Variants in SDSL observed in about 807,000 individuals in gnomAD.
SDSL encodes serine dehydratase-like.
SDSL carries 26 observed loss-of-function variants against 27.6 expected under a neutral mutation model. That is an observed-to-expected ratio of 0.94 (90% CI 0.69 to 1.31). SDSL has a LOEUF of 1.31. Ranked by LOEUF, SDSL falls within the 50% of genes most tolerant of loss-of-function variation. The pLI, the probability that SDSL is intolerant of heterozygous loss-of-function variation, is 0.00. For synonymous variants in SDSL, 196 were observed against 180.6 expected, an observed-to-expected ratio of 1.09 and a Z score of -0.69; for missense variants, 431 against 423.5, an observed-to-expected ratio of 1.02 and a Z score of -0.16.
chr12:113,426,256 C>A, intron 1 of SDSL: 1 of 455,960 alleles, frequency 2.2e-6, no homozygotes, highest in South Asian at 1.5e-5. Flanking sequence ...CCTCTTGGCT[C>A]TCTTCCTGTC....
chr12:113,422,795 G>C (rs1957807071), intron 1 of SDSL: 1 of 152,388 alleles, frequency 6.6e-6, no homozygotes, highest in Non-Finnish European at 1.5e-5. Context: ...TTTGGCTGTG[G>C]AGTGCCACCA....
chr12:113,428,367 C>A, intron 2 of SDSL, 53 bp from the exon 3 acceptor site: 1 of 1,569,092 alleles, frequency 6.4e-7, no homozygotes, highest in Non-Finnish European at 8.7e-7. Context: ...TCCACATAGG[C>A]CTTCATGACA....
chr12:113,426,484 T>G (rs1391276715), intron 1 of SDSL, among the ~76,000 whole-genome samples: 2 of 152,206 alleles, frequency 1.3e-5, no homozygotes, highest in Admixed American at 6.5e-5. Flanking sequence ...AAAAATTATA[T>G]TTTTAGATGT....
chr12:113,425,586 T>C (rs1387449603), intron 1 of SDSL: 2 of 449,408 alleles, frequency 4.5e-6, no homozygotes, highest in Admixed American at 2.4e-5. Flanking sequence ...CAAGAGGAGC[T>C]GGCTGTATTT....
chr12:113,428,102 T>G lies in SDSL; in HGVS notation c.120T>G (p.Asn40Lys). The change falls in exon 2 of 8, where the codon AAT becomes AAG. Residue 40 changes from asparagine (N) to lysine (K), a missense_variant. By Grantham distance (94) the Asn-to-Lys change is moderately conservative. Coordinates refer to ENST00000403593, the MANE Select transcript of SDSL (RefSeq NM_001304993.2). ...AGMPVFLKCE[N>K]VQPSGSFKIR... ...TGCCTGTCTTCCTCAAGTGTGAGAA[T>G]GTGCAGCCCAGCGGCTCCTTCAAGA... 6.2e-7 allele frequency: 1 copy of G among 1,613,808 alleles called. No individual in the cohort carries two copies. Among genetic ancestry groups the G allele is most frequent in the Non-Finnish European group, 8.5e-7 (1 of 1,179,918 alleles).
chr12:113,435,553 C>A lies in SDSL; in HGVS notation c.668C>A (p.Thr223Asn). The A allele has an allele frequency of 6.2e-7, 1 of 1,612,194 alleles. No individual in the cohort carries two copies. Among genetic ancestry groups the A allele is most frequent in the Non-Finnish European group, 8.5e-7 (1 of 1,178,818 alleles). The stretch of plus-strand genomic sequence containing the variant: ...AAGCTGGTCACACTTCCAGACATCA[C>A]CAGGTGGGTAAGGGCTGGGGACATT... The part of the protein sequence containing the change: ...AGKLVTLPDI[T>N]SVAKSLGAKT... Residue 223 changes from threonine (T) to asparagine (N), a missense_variant, in exon 6 of 8, where the codon ACC becomes AAC. Thr to Asn is a moderately conservative substitution (Grantham distance 65, BLOSUM62 0). Transcript: ENST00000403593.
chr12:113,433,999 C>T, intron 4 of SDSL, 135 bp from the exon 5 acceptor site: 1 of 613,346 alleles, frequency 1.6e-6, no homozygotes, highest in Non-Finnish European at 2.8e-6. Flanking sequence ...GGGCCCACAC[C>T]AGGTATGGTC....
intron 1 of SDSL, among the ~76,000 whole-genome samples, chr12:113,425,400 C>T (rs1484340697): frequency 6.6e-6 from 1 of 152,060 alleles, no homozygotes; most frequent in Non-Finnish European, 1.5e-5. Flanking sequence ...CTGACAAGGG[C>T]GTGGGGTCAA....
intron 5 of SDSL, among the ~76,000 whole-genome samples, chr12:113,434,986 G>A (rs182258376): frequency 4.6e-5 from 7 of 152,240 alleles, no homozygotes; most frequent in East Asian, 1.9e-4. Context: ...GTGGTGGTGC[G>A]CACCTTTAGT....
At chr12:113,424,090 C>T (rs1234113357) in intron 1 of SDSL, among the ~76,000 whole-genome samples, 1 of 152,130 alleles carries the variant, frequency 6.6e-6, no homozygotes, top group Non-Finnish European at 1.5e-5. Flanking sequence ...TCACTGCAAC[C>T]TCGCCTCACC....
chr12:113,433,231 T>C (rs978648442), intron 4 of SDSL, among the ~76,000 whole-genome samples: 40 of 152,176 alleles, frequency 2.6e-4, no homozygotes, highest in African/African-American at 9.4e-4. Flanking sequence ...TTGGCTTCTC[T>C]CCTGCTGAAG....
intron 4 of SDSL, 141 bp downstream of exon 4, chr12:113,429,440 G>T (rs533577797): frequency 2.1e-6 from 2 of 954,376 alleles, no homozygotes; most frequent in Non-Finnish European, 3.1e-6. Context: ...CTGAGCTGAG[G>T]GGGGAATGAG....
intron 4 of SDSL, 45 bp downstream of exon 4, chr12:113,429,344 C>T (rs765330449): frequency 6.4e-7 from 1 of 1,573,412 alleles, no homozygotes; most frequent in South Asian, 1.1e-5. Context: ...GGGCTGCTCT[C>T]CTTCACCTCA....
At chr12:113,423,144 G>A (rs1957811017) in intron 1 of SDSL, among the ~76,000 whole-genome samples, 1 of 152,218 alleles carries the variant, frequency 6.6e-6, no homozygotes, top group African/African-American at 2.4e-5. Context: ...ACTGATGCCT[G>A]CTGTCCTCTT....
intron 7 of SDSL, 127 bp downstream of exon 7, chr12:113,437,002 C>A: frequency 1.1e-6 from 1 of 929,294 alleles, no homozygotes; most frequent in Non-Finnish European, 1.5e-6. Context: ...AGTTACTGTG[C>A]ACTAAGTGCA....
intron 5 of SDSL, among the ~76,000 whole-genome samples, chr12:113,434,983 T>C (rs1362762214): frequency 1.3e-5 from 2 of 152,092 alleles, no homozygotes; most frequent in Non-Finnish European, 2.9e-5. Flanking sequence ...GGCGTGGTGG[T>C]GCGCACCTTT....
Position 113,436,850 on chromosome 12 carries a change from T to C in SDSL, c.771T>C (p.Ala257=), listed in dbSNP as rs1266932760. 2 of 1,609,770 alleles carry C rather than the reference T, an allele frequency of 1.2e-6. No homozygotes were observed. The highest frequency in any genetic ancestry group is 2.7e-5 in the African/African-American group (2 of 74,876). ...IHSEVVEDTE[A]VSAVQQLLDD... is the part of the protein sequence containing the mutation. Reference sequence around the variant, plus strand: ...CTGAAGTGGTGGAGGACACCGAGGCTGTGAGCGCTGTGCAGCAGCTCCTGG... The same window carrying C: ...CTGAAGTGGTGGAGGACACCGAGGCCGTGAGCGCTGTGCAGCAGCTCCTGG... The change falls in exon 7 of 8, where the codon GCT becomes GCC. Residue 257 remains alanine (A), a synonymous_variant. Coordinates refer to ENST00000403593, the MANE Select transcript of SDSL (RefSeq NM_001304993.2).
chr12:113,426,249 CT>C (rs1957849898), intron 1 of SDSL: 1 of 455,824 alleles, frequency 2.2e-6, no homozygotes, highest in Non-Finnish European at 4.4e-6. Context: ...AACTTTTCCT[CT>C]TGGCTCTCTT....
At chr12:113,432,237 TTTCTTTCTTTCTTTCTTTCTTTCTTTC>T (rs1463895872) in intron 4 of SDSL, among the ~76,000 whole-genome samples, 1 of 120,774 alleles carries the variant, frequency 8.3e-6, no homozygotes, top group Non-Finnish European at 1.8e-5. Flanking sequence ...TCTTTCTTTC[TTTCTTTCTTTCTTTCTTTCTTTCTTTC>T]TTTCTTTCTT....
Sources: gnomAD v4.1 joint callset for allele counts (sites outside exome capture counted in the v4.1 genomes callset) on GRCh38, gnomAD v4.1.1 for gene constraint, MANE v1.5 for transcripts, NCBI Gene and HGNC (gene_info 2026-07-23, HGNC 2026-07-21) for gene names.